COMMD1: variants seen among roughly 807,000 people sequenced by gnomAD.
COMMD1 encodes the protein copper metabolism domain containing 1.
COMMD1 carries 10 observed loss-of-function variants against 17.2 expected under a neutral mutation model. The ratio of observed to expected loss-of-function variants is 0.58; its 90% CI spans 0.36 to 0.99. The LOEUF (loss-of-function observed/expected upper bound fraction) is 0.99. Ranked by LOEUF, COMMD1 falls within the 50% of genes least tolerant of loss-of-function variation. COMMD1 has a pLI of 0.01. For synonymous variants in COMMD1, 97 were observed against 91.6 expected (o/e 1.06, Z -0.34); for missense variants, 270 against 231.8 (o/e 1.17, Z -1.07).
At chr2:61,942,525 G>A (rs1255799984) in intron 1 of COMMD1, among the ~76,000 whole-genome samples, 1 of 150,014 alleles carries the variant, frequency 6.7e-6, no homozygotes, top group Non-Finnish European at 1.5e-5. Flanking sequence ...ACAGGGGTGA[G>A]CCACTGTGCC....
chr2:62,112,477 C>T (rs937043074), intron 2 of COMMD1, among the ~76,000 whole-genome samples: 5 of 152,220 alleles, frequency 3.3e-5, no homozygotes, highest in African/African-American at 1.2e-4. Flanking sequence ...AGCCAAGTGC[C>T]TGTTTTGAAG....
rs951017638 is a variant in COMMD1, at chr2:61,915,549, C to T, written c.180+9691C>T. 2.3e-4 allele frequency: 57 copies of T among 250,920 alleles called. 1 individual carries two copies. The Admixed American group carries it at 2.4e-3, about 10-fold the overall frequency. The allele number at this position is 250,920 out of a possible 1,614,324, so 15.5% of individuals were successfully genotyped here. A position where few individuals can be genotyped will look rare whatever the true frequency, so the allele number is the denominator to read the frequency against. ...TGTCACCCAGGCTGGAGTGCAGTGG[C>T]ATGATCATGTCTCACTTGCAGCCTT... On this transcript the variant is annotated intron_variant, in intron 1 of 2. Coordinates refer to ENST00000311832, the MANE Select transcript of COMMD1 (RefSeq NM_152516.4).
intron 2 of COMMD1, among the ~76,000 whole-genome samples, chr2:62,058,194 T>G (rs1280063203): frequency 2.0e-5 from 3 of 152,166 alleles, no homozygotes; most frequent in African/African-American, 2.4e-5. Context: ...TTTTGTGAAG[T>G]TGTTAGTGTA....
At chr2:61,925,028 G>A (rs567111353) in intron 1 of COMMD1, among the ~76,000 whole-genome samples, 3 of 152,154 alleles carry the variant, frequency 2.0e-5, no homozygotes, top group Admixed American at 6.5e-5. Context: ...CAAGGGTTCC[G>A]GGGGCAAGGC....
chr2:61,908,352 G>T (rs549546039), intron 1 of COMMD1, among the ~76,000 whole-genome samples: 1 of 150,124 alleles, frequency 6.7e-6, no homozygotes, highest in African/African-American at 2.5e-5. Flanking sequence ...TCAGCCTCCC[G>T]AGTAGCTGGG....
intron 2 of COMMD1, among the ~76,000 whole-genome samples, chr2:62,128,200 C>T (rs552630201): frequency 1.1e-4 from 16 of 146,672 alleles, no homozygotes; most frequent in Admixed American, 2.7e-4. Flanking sequence ...TGTTGGCATG[C>T]GCCTGTAGTC....
At chr2:61,898,725 C>G (rs1669601541) in intron 1 of COMMD1, among the ~76,000 whole-genome samples, 1 of 151,912 alleles carries the variant, frequency 6.6e-6, no homozygotes, top group Non-Finnish European at 1.5e-5. Context: ...AGGATGAAAA[C>G]CTATTTGGCC....
intron 2 of COMMD1, among the ~76,000 whole-genome samples, chr2:62,015,880 C>T (rs537582720): frequency 2.0e-5 from 3 of 151,954 alleles, no homozygotes; most frequent in Non-Finnish European, 2.9e-5. Flanking sequence ...TCTCCCAGGC[C>T]GGAGTGCAGT....
chr2:62,036,611 G>A (rs1670045569), intron 2 of COMMD1, among the ~76,000 whole-genome samples: 1 of 152,136 alleles, frequency 6.6e-6, no homozygotes, highest in African/African-American at 2.4e-5. Flanking sequence ...CTGATGTAAG[G>A]GGCTTTGTTT....
intron 1 of COMMD1, among the ~76,000 whole-genome samples, chr2:61,984,654 G>A (rs925345855): frequency 5.3e-5 from 8 of 152,194 alleles, no homozygotes; most frequent in African/African-American, 1.7e-4. Flanking sequence ...GAAATGTTCT[G>A]TAAAGTCTAT....
At chr2:62,083,740 A>AG (rs1671588539) in intron 2 of COMMD1, among the ~76,000 whole-genome samples, 1 of 152,252 alleles carries the variant, frequency 6.6e-6, no homozygotes, top group Non-Finnish European at 1.5e-5. Flanking sequence ...GTTTTGCCCA[A>AG]GGGGCAGAAG....
At chr2:62,125,339 T>C (rs1205706531) in intron 2 of COMMD1, among the ~76,000 whole-genome samples, 1 of 152,214 alleles carries the variant, frequency 6.6e-6, no homozygotes, top group Non-Finnish European at 1.5e-5. Context: ...TATGGGTATC[T>C]ATTGAGTTTG....
intron 2 of COMMD1, among the ~76,000 whole-genome samples, chr2:62,082,571 G>C (rs1201340827): frequency 6.6e-6 from 1 of 152,042 alleles, no homozygotes; most frequent in African/African-American, 2.4e-5. Context: ...TAAAATTTTA[G>C]GCTGTCTTGG....
intron 2 of COMMD1, among the ~76,000 whole-genome samples, chr2:62,045,023 G>A (rs986638642): frequency 3.3e-5 from 5 of 152,200 alleles, no homozygotes; most frequent in Non-Finnish European, 7.3e-5. Context: ...TGGCATTGCA[G>A]TAGGGAAAGG....
chr2:62,014,232 T>G (rs1669369073), intron 2 of COMMD1, among the ~76,000 whole-genome samples: 1 of 152,188 alleles, frequency 6.6e-6, no homozygotes. Flanking sequence ...TCTGTTTCTA[T>G]TCTTGCAGAC....
chr2:62,000,362 TCCC>T (rs1668893898), intron 1 of COMMD1, among the ~76,000 whole-genome samples: 1 of 150,934 alleles, frequency 6.6e-6, no homozygotes, highest in Admixed American at 6.7e-5. Flanking sequence ...AGTCCCTGCC[TCCC>T]GGTTGAAGCG....
rs947325800 is a variant in COMMD1 at position 61,988,962 on chromosome 2, C to G, written c.181-11739C>G. On this transcript the variant is annotated intron_variant, in intron 1 of 2. Coordinates refer to ENST00000311832, the MANE Select transcript of COMMD1 (RefSeq NM_152516.4). ...TGTAAAGTCCCACAATTGCTGCACT[C>G]TCCCTCTCCCAAACACACAGATTCT... 5.9e-5 allele frequency among the ~76,000 whole-genome samples: 9 copies of G among 152,178 alleles called. No individual in the cohort carries two copies. The East Asian group carries it at 1.5e-3, about 26-fold the overall frequency.
chr2:62,112,246 A>C (rs1032058039), intron 2 of COMMD1, among the ~76,000 whole-genome samples: 1 of 152,242 alleles, frequency 6.6e-6, no homozygotes, highest in Non-Finnish European at 1.5e-5. Context: ...GAGGGCAAAC[A>C]GTGTGCCTGA....
intron 1 of COMMD1, among the ~76,000 whole-genome samples, chr2:61,912,900 A>T (rs754804692): frequency 1.5e-4 from 23 of 152,176 alleles, no homozygotes; most frequent in Non-Finnish European, 3.4e-4. Context: ...TTACAGAAAA[A>T]GTTTGCTGAC....
Sources: gnomAD v4.1 joint callset for allele counts (sites outside exome capture counted in the v4.1 genomes callset) on GRCh38, gnomAD v4.1.1 for gene constraint, MANE v1.5 for transcripts, NCBI Gene and HGNC (gene_info 2026-07-23, HGNC 2026-07-21) for gene names.